METTL2B: variants seen among roughly 807,000 people sequenced by gnomAD.
The protein encoded by METTL2B is methyltransferase 2B, tRNA N3-cytidine.
Under a neutral mutation model 51.0 loss-of-function variants are expected in METTL2B, and 28 were observed. The ratio of observed to expected loss-of-function variants is 0.55; its 90% confidence interval spans 0.41 to 0.75. The LOEUF is 0.75. METTL2B is among the 30% of genes least tolerant of loss of function. METTL2B has a pLI of 0.00. For missense variants in METTL2B, 313 were observed against 460.7 expected (o/e 0.68, Z 2.93); for synonymous variants, 128 against 166.3 (o/e 0.77, Z 1.77).
At chr7:128,493,671 A>AAAAAAAG in intron 5 of METTL2B, 133 bp from the exon 6 acceptor site, 3 of 1,355,038 alleles carry the variant, frequency 2.2e-6, no homozygotes, top group Non-Finnish European at 3.0e-6. Context: ...TGCCTCAAGA[A>AAAAAAAG]AAAAAAGAAA....
chr7:128,481,205 G>A (rs1228788950), intron 4 of METTL2B, among the ~76,000 whole-genome samples: 1 of 152,196 alleles, frequency 6.6e-6, no homozygotes, highest in African/African-American at 2.4e-5. Context: ...TAAGCAGAAC[G>A]CTTCTGACAC....
chr7:128,477,006 A>G (rs1289304759), intron 1 of METTL2B, 76 bp from the exon 2 acceptor site: 36 of 1,454,506 alleles, frequency 2.5e-5, no homozygotes, highest in Non-Finnish European at 3.2e-5. Context: ...AAGGGGAGAG[A>G]AACTCCTAGG....
At chr7:128,484,232 T>TTTTTTTTTTGTTTTTTTTTTTTTTG (rs1554428850) in intron 4 of METTL2B, 3 of 83,572 alleles carry the variant, frequency 3.6e-5, no homozygotes, top group African/African-American at 9.9e-5. Context: ...TTTTTTTTTT[T>TTTTTTTTTTGTTTTTTTTTTTTTTG]TTTTTTTTTT....
Position 128,501,467 on chromosome 7 carries a change from A to C in METTL2B, c.983-295A>C, listed in dbSNP as rs1436872237. 4 of 985,348 alleles carry C rather than the reference A, an allele frequency of 4.1e-6. No homozygotes were observed. The Admixed American group carries it at 2.5e-4, about 61-fold the overall frequency. The allele number at this position is 985,348 out of a possible 1,614,324, so 61.0% of individuals were successfully genotyped here. ...GATGATGAAACCTCTTTCCTAAAGCAATTGCTTTGACATACGTAGATAGTT... is the reference window on the plus strand; with the variant it reads ...GATGATGAAACCTCTTTCCTAAAGCCATTGCTTTGACATACGTAGATAGTT... On this transcript the variant is annotated intron_variant, in intron 8 of 8. Coordinates refer to ENST00000262432, the MANE Select transcript of METTL2B (RefSeq NM_018396.3).
chr7:128,479,126 G>A, intron 2 of METTL2B, 32 bp from the exon 3 acceptor site: 1 of 1,557,308 alleles, frequency 6.4e-7, no homozygotes, highest in Non-Finnish European at 8.7e-7. Flanking sequence ...TTTGAGAGCT[G>A]GTTCTTAAAA....
In METTL2B at chr7:128,502,046, A is replaced by G. The variant is rs1793040233; in HGVS notation, c.*130A>G. On this transcript the variant is annotated 3_prime_UTR_variant, in exon 9 of 9. Transcript: ENST00000262432. The stretch of plus-strand genomic sequence containing the variant: ...CAGGAGGCTGAGGCAGGGAGGATCC[A>G]TTGAGCCCAGGAGTCCAGCCTGGGC... 14 of 1,394,936 alleles carry G rather than the reference A, an allele frequency of 1.0e-5. No homozygotes were observed. The highest frequency in any genetic ancestry group is 1.4e-5 in the Non-Finnish European group (14 of 1,030,448). The allele number at this position is 1,394,936 out of a possible 1,614,324, so 86.4% of individuals were successfully genotyped here. A position where few individuals can be genotyped will look rare whatever the true frequency, so the allele number is the denominator to read the frequency against.
At chr7:128,492,594 G>GGTTTGTTT (rs3993549) in intron 5 of METTL2B, among the ~76,000 whole-genome samples, 118 of 150,544 alleles carry the variant, frequency 7.8e-4, no homozygotes, top group African/African-American at 2.5e-3. Flanking sequence ...TCGTGCTTTT[G>GGTTTGTTT]GTTTGTTTGT....
chr7:128,498,283 G>A lies in METTL2B; in HGVS notation c.916+141G>A. 2 of 871,354 alleles carry A rather than the reference G, an allele frequency of 2.3e-6. 1 individual carries two copies. The highest frequency in any genetic ancestry group is 3.6e-5 in the South Asian group (2 of 56,006). 54.0% of individuals were successfully genotyped at this position (871,354 alleles called of 1,614,324 possible). On this transcript the variant is annotated intron_variant, in intron 7 of 8. Transcript: ENST00000262432. ...CATATTTTCTCACTCATAAGTGGGA[G>A]TTGAACAATGAGAACACATGGACGC...
At chr7:128,491,761 CAA>C (rs57526525) in intron 5 of METTL2B, among the ~76,000 whole-genome samples, 43 of 114,586 alleles carry the variant, frequency 3.8e-4, no homozygotes, top group Non-Finnish European at 4.1e-4. Flanking sequence ...GACTCTGTCT[CAA>C]AAAAAAAAAA....
chr7:128,499,771 T>A (rs1792995825), intron 7 of METTL2B, among the ~76,000 whole-genome samples: 3 of 152,116 alleles, frequency 2.0e-5, no homozygotes, highest in African/African-American at 7.2e-5. Flanking sequence ...TCCACCCACC[T>A]CGGCCTCCCA....
rs866133602 is a variant in METTL2B, at chr7:128,501,758, C to T, written c.983-4C>T. 1 of 1,613,884 alleles carries T rather than the reference C, an allele frequency of 6.2e-7. No individual in the cohort carries two copies. Among genetic ancestry groups the T allele is most frequent in the Middle Eastern group, 1.6e-4 (1 of 6,062 alleles). On this transcript the variant is annotated splice_polypyrimidine_tract_variant and splice_region_variant and intron_variant, in intron 8 of 8. Coordinates refer to ENST00000262432, the MANE Select transcript of METTL2B (RefSeq NM_018396.3). ...GCATAAACATCTTTTATTTTCCACA[C>T]TAGAGGAACTGGACACGCTTTTCAC...
At position 128,493,852 on chromosome 7, in the gene METTL2B, C is replaced by G; in HGVS notation, c.718C>G (p.Leu240Val). Residue 240 changes from leucine (L) to valine (V), a missense_variant, in exon 6 of 9, where the codon CTG becomes GTG. By Grantham distance (32) the Leu-to-Val change is conservative (BLOSUM62 1). Around this residue, in one of 4 missense-constraint regions of METTL2B, gnomAD observed 138 missense variants for 187.6 expected, o/e 0.74. Coordinates refer to ENST00000262432, the MANE Select transcript of METTL2B (RefSeq NM_018396.3). The part of the protein sequence containing the change: ...PSRCFAFVHD[L>V]CDEEKSYPVP... The stretch of plus-strand genomic sequence containing the variant: ...TCGGTGTTTTGCCTTTGTTCACGAC[C>G]TGTGTGATGAAGAGAAGAGTTACCC... 6.2e-7 allele frequency: 1 copy of G among 1,612,454 alleles called. No individual in the cohort carries two copies. The highest frequency in any genetic ancestry group is 8.5e-7 in the Non-Finnish European group (1 of 1,179,630).
At chr7:128,483,413 C>A (rs1799896604) in intron 4 of METTL2B, 1 of 152,440 alleles carries the variant, frequency 6.6e-6, no homozygotes, top group African/African-American at 2.4e-5. Context: ...CTGGTCACAC[C>A]TTGCATGTCT....
chr7:128,489,723 G>A (rs1341692801), intron 5 of METTL2B, among the ~76,000 whole-genome samples: 1 of 146,182 alleles, frequency 6.8e-6, no homozygotes, highest in African/African-American at 2.5e-5. Context: ...CCGCCTCCCG[G>A]GTTCACGCCA....
rs28712842 is a variant in METTL2B at position 128,491,031 on chromosome 7, C to T, written c.670-2773C>T. Among the ~76,000 whole-genome samples the T allele has an allele frequency of 2.0e-3, 297 of 151,328 alleles. 2 individuals carry two copies. The highest frequency in any genetic ancestry group is 6.7e-3 in the African/African-American group (277 of 41,208). On this transcript the variant is annotated intron_variant, in intron 5 of 8. Transcript: ENST00000262432. ...TGAAATTTAGCTGGGTATGGTGGCA[C>T]GCACCTGTAGTCCCAGCTACTTGGG...
At chr7:128,480,341 AG>A (rs1368665164) in intron 3 of METTL2B, among the ~76,000 whole-genome samples, 5 of 152,238 alleles carry the variant, frequency 3.3e-5, no homozygotes, top group African/African-American at 1.2e-4. Context: ...TAATAATATA[AG>A]CTTAGTAAGA....
intron 5 of METTL2B, among the ~76,000 whole-genome samples, chr7:128,489,903 C>A (rs542098874): frequency 1.0e-3 from 159 of 152,208 alleles, no homozygotes; most frequent in African/African-American, 3.5e-3. Flanking sequence ...GCTGGGATTA[C>A]AGGCGTGAGC....
Position 128,498,588 on chromosome 7 carries a change from T to C in METTL2B, c.916+446T>C, listed in dbSNP as rs560660081. ...AATTAGAACTCCTTATATAAAGCCATTTAATATGTGACAGAGTAGTATATT... is the reference window on the plus strand; with the variant it reads ...AATTAGAACTCCTTATATAAAGCCACTTAATATGTGACAGAGTAGTATATT... On this transcript the variant is annotated intron_variant, in intron 7 of 8. Transcript: ENST00000262432. 3.3e-5 allele frequency among the ~76,000 whole-genome samples: 5 copies of C among 152,120 alleles called. No individual in the cohort carries two copies. The East Asian group carries it at 9.7e-4, about 29-fold the overall frequency.
At chr7:128,479,633 C>A in intron 3 of METTL2B, 120 bp downstream of exon 3, 1 of 1,110,236 alleles carries the variant, frequency 9.0e-7, no homozygotes, top group Non-Finnish European at 1.3e-6. Flanking sequence ...CTAGACTTGA[C>A]CCTTATATTA....
Sources: allele counts gnomAD v4.1 joint callset (sites outside exome capture counted in the v4.1 genomes callset), GRCh38; gene constraint gnomAD v4.1.1; regional missense constraint gnomAD v4.1.1; transcripts MANE v1.5; gene names NCBI Gene and HGNC (gene_info 2026-07-23, HGNC 2026-07-21).